Variants in EYA1 observed in about 807,000 individuals in gnomAD.
The protein encoded by EYA1 is EYA transcriptional coactivator and phosphatase 1, also known as protein phosphatase EYA1.
A neutral mutation model predicts 82.0 loss-of-function variants in EYA1; 16 were observed. The ratio of observed to expected loss-of-function variants is 0.20; its 90% CI spans 0.13 to 0.30. The LOEUF is 0.30. Ranked by LOEUF, EYA1 falls within the 10% of genes least tolerant of loss-of-function variation. The probability of loss-of-function intolerance (pLI) is 1.00; values close to 1 mark genes in which losing one functional copy is unlikely to be tolerated. For synonymous variants in EYA1, 261 were observed against 264.4 expected (o/e 0.99, Z 0.12); for missense variants, 633 against 730.7 (o/e 0.87, Z 1.54).
At chr8:71,209,763 G>T (rs1198257663) in intron 17 of EYA1, among the ~76,000 whole-genome samples, 1 of 152,122 alleles carries the variant, frequency 6.6e-6, no homozygotes, top group East Asian at 1.9e-4. Flanking sequence ...TGTAAGGAAG[G>T]GAATGGAAAA....
At chr8:71,357,573 A>G (rs1041419789) in intron 1 of EYA1, among the ~76,000 whole-genome samples, 1 of 152,242 alleles carries the variant, frequency 6.6e-6, no homozygotes, top group Non-Finnish European at 1.5e-5. Flanking sequence ...ACTGACATCA[A>G]TTAGGGTTAC....
chr8:71,410,121 C>T (rs914966496), intron 2 of EYA1, among the ~76,000 whole-genome samples: 3 of 151,568 alleles, frequency 2.0e-5, no homozygotes, highest in Non-Finnish European at 2.9e-5. Flanking sequence ...GAGCCAAAGA[C>T]AAAAACCACA....
intron 2 of EYA1, among the ~76,000 whole-genome samples, chr8:71,524,753 G>T (rs1007334142): frequency 2.6e-5 from 4 of 152,118 alleles, no homozygotes; most frequent in African/African-American, 9.7e-5. Flanking sequence ...TGCAATATTT[G>T]TATGGCCCAA....
At chr8:71,448,025 T>TTTTTTTTTTTTTTTAACGGAG (rs935912194) in intron 2 of EYA1, among the ~76,000 whole-genome samples, 3 of 116,732 alleles carry the variant, frequency 2.6e-5, no homozygotes, top group Non-Finnish European at 3.4e-5. Context: ...TTTTTTTTTT[T>TTTTTTTTTTTTTTTAACGGAG]TCTCGCTCCG....
At chr8:71,421,146 A>C (rs1831127546) in intron 2 of EYA1, among the ~76,000 whole-genome samples, 1 of 152,190 alleles carries the variant, frequency 6.6e-6, no homozygotes. Flanking sequence ...TTTACAGGGA[A>C]ACTCCTTGTT....
chr8:71,327,472 CTT>C (rs1823290896), intron 4 of EYA1, among the ~76,000 whole-genome samples: 1 of 152,166 alleles, frequency 6.6e-6, no homozygotes, highest in African/African-American at 2.4e-5. Flanking sequence ...ATTAAGAACA[CTT>C]TGTTTGCAAT....
At chr8:71,507,163 C>G (rs773224011) in intron 2 of EYA1, among the ~76,000 whole-genome samples, 1 of 152,080 alleles carries the variant, frequency 6.6e-6, no homozygotes. Flanking sequence ...TAAAGCAGCC[C>G]TATGAGGTGG....
intron 1 of EYA1, among the ~76,000 whole-genome samples, chr8:71,360,640 C>G (rs72654188): frequency 0.028 from 4,197 of 152,294 alleles, 80 homozygotes; most frequent in Middle Eastern, 0.044. Context: ...AAAAGCATGA[C>G]TGTACATGTG....
At chr8:71,472,751 A>G (rs546206637) in intron 2 of EYA1, among the ~76,000 whole-genome samples, 3 of 146,712 alleles carry the variant, frequency 2.0e-5, no homozygotes, top group African/African-American at 7.5e-5. Flanking sequence ...CCATGCAAGT[A>G]TGTATTGAAT....
In EYA1 at chr8:71,476,483, A is replaced by G. The variant is rs753029359; in HGVS notation, c.33+59261T>C. On this transcript the variant is annotated intron_variant, in intron 2 of 18. Transcript: ENST00000643681. ...CAATTTCATTTAAAAAATTACTGAT[A>G]AGGAACAAAATACCCAGGAGTAAAT... 5.9e-5 allele frequency among the ~76,000 whole-genome samples: 9 copies of G among 152,156 alleles called. 1 individual carries two copies. In the South Asian group the frequency reaches 1.2e-3, roughly 21 times the overall value.
At chr8:71,306,427 G>A (rs1344950445) in intron 7 of EYA1, among the ~76,000 whole-genome samples, 3 of 151,998 alleles carry the variant, frequency 2.0e-5, no homozygotes, top group Non-Finnish European at 4.4e-5. Context: ...CCAGTGAAAT[G>A]TTACGATTCT....
At chr8:71,466,276 T>C (rs1379448064) in intron 2 of EYA1, among the ~76,000 whole-genome samples, 1 of 152,184 alleles carries the variant, frequency 6.6e-6, no homozygotes, top group Non-Finnish European at 1.5e-5. Flanking sequence ...TTTTTGCATA[T>C]ACGAGTAAGC....
chr8:71,421,849 C>A (rs1261273403), intron 2 of EYA1, among the ~76,000 whole-genome samples: 1 of 152,122 alleles, frequency 6.6e-6, no homozygotes, highest in East Asian at 1.9e-4. Context: ...GCAAAATGAA[C>A]AATGTAGTGT....
chr8:71,470,851 G>A (rs1477994747), intron 2 of EYA1: 2 of 454,270 alleles, frequency 4.4e-6, no homozygotes, highest in Non-Finnish European at 8.8e-6. Context: ...AAAAATGTCA[G>A]ATTTACCTTT....
chr8:71,221,191 C>T (rs574726093), intron 12 of EYA1, among the ~76,000 whole-genome samples: 8 of 152,050 alleles, frequency 5.3e-5, no homozygotes, highest in Non-Finnish European at 8.8e-5. Context: ...ACAATCAAAC[C>T]GATAAAATGG....
chr8:71,211,124 T>G, intron 17 of EYA1, 32 bp downstream of exon 17: 161 of 1,383,518 alleles, frequency 1.2e-4, no homozygotes, highest in Non-Finnish European at 1.5e-4. Context: ...AAAAAACAAA[T>G]GAGACAAGAT....
chr8:71,478,928 A>G (rs1809884314), intron 2 of EYA1, among the ~76,000 whole-genome samples: 1 of 152,206 alleles, frequency 6.6e-6, no homozygotes, highest in Admixed American at 6.5e-5. Flanking sequence ...GGTACTGCAG[A>G]GATACAAGAG....
intron 2 of EYA1, among the ~76,000 whole-genome samples, chr8:71,535,397 G>A (rs1814635188): frequency 6.6e-6 from 1 of 152,116 alleles, no homozygotes; most frequent in Non-Finnish European, 1.5e-5. Context: ...CCAAAAAATT[G>A]ACATTAATTT....
chr8:71,233,668 A>G (rs763137524), intron 12 of EYA1, among the ~76,000 whole-genome samples: 2 of 152,120 alleles, frequency 1.3e-5, no homozygotes, highest in Non-Finnish European at 2.9e-5. Flanking sequence ...ATCATTTTAT[A>G]ACATACCTCT....
Sources: allele counts gnomAD v4.1 joint callset (sites outside exome capture counted in the v4.1 genomes callset), GRCh38; gene constraint gnomAD v4.1.1; transcripts MANE v1.5; gene names NCBI Gene and HGNC (gene_info 2026-07-23, HGNC 2026-07-21).